Variants in IL17REL observed in about 807,000 individuals in gnomAD.
The protein encoded by IL17REL is interleukin-17 receptor E-like protein.
In IL17REL, 36 loss-of-function variants were observed where a neutral mutation model predicts 49.0. That is an observed-to-expected ratio of 0.73 (90% CI 0.56 to 0.97). IL17REL has a LOEUF of 0.97. Ranked by LOEUF, IL17REL falls within the 50% of genes least tolerant of loss-of-function variation. The pLI, the probability that IL17REL is intolerant of heterozygous loss-of-function variation, is 0.00. For synonymous variants in IL17REL, 206 were observed against 192.4 expected, an observed-to-expected ratio of 1.07 and a Z score of -0.58; for missense variants, 470 against 453.9, an observed-to-expected ratio of 1.04 and a Z score of -0.32.
intron 7 of IL17REL, among the ~76,000 whole-genome samples, 199 bp downstream of exon 9, chr22:49,999,092 T>A (rs1400918709): frequency 7.3e-6 from 1 of 137,402 alleles, no homozygotes; most frequent in East Asian, 2.1e-4. Context: ...CGCACACATG[T>A]ACATTGCACA....
exon 9 of IL17REL, chr22:49,998,068 A>T: frequency 6.3e-7 from 1 of 1,593,826 alleles, no homozygotes; most frequent in East Asian, 2.2e-5. Flanking sequence ...CGGGTACTGC[A>T]CCTGAGGAGG....
intron 1 of IL17REL, among the ~76,000 whole-genome samples, chr22:50,007,413 C>G (rs1256620688): frequency 1.3e-5 from 2 of 152,124 alleles, no homozygotes; most frequent in Non-Finnish European, 2.9e-5. Flanking sequence ...CTCCATTGCC[C>G]AGGCTGGAGT....
chr22:49,992,164 C>T (rs1233444390), downstream of IL17REL, among the ~76,000 whole-genome samples: 1 of 152,092 alleles, frequency 6.6e-6, no homozygotes, highest in Non-Finnish European at 1.5e-5. Context: ...AGAATTTTTC[C>T]ACAAATTTGT....
intron 7 of IL17REL, 143 bp from the exon 10 acceptor site, chr22:49,998,452 G>T: frequency 1.3e-6 from 1 of 752,832 alleles, no homozygotes; most frequent in Non-Finnish European, 2.1e-6. Context: ...TCAAGGCTGT[G>T]CACGTGTGTG....
chr22:49,997,325 C>T, exon 11 of IL17REL: 1 of 1,613,412 alleles, frequency 6.2e-7, no homozygotes, highest in Non-Finnish European at 8.5e-7. Context: ...CTCACTGAGG[C>T]TGAAGGGAGC....
intron 1 of IL17REL, among the ~76,000 whole-genome samples, chr22:50,004,892 A>C (rs1345317063): frequency 1.3e-5 from 2 of 151,426 alleles, no homozygotes; most frequent in Admixed American, 6.6e-5. Context: ...GAAATGAGAA[A>C]TCTGCATCTT....
chr22:50,000,773 C>G, exon 3 of IL17REL: 1 of 1,594,234 alleles, frequency 6.3e-7, no homozygotes, highest in Non-Finnish European at 8.5e-7. Flanking sequence ...CCCCTGCTGC[C>G]GGTGGGAGGC....
intron 2 of IL17REL, 101 bp downstream of exon 3, chr22:50,000,981 C>G (rs538867269): frequency 1.6e-6 from 2 of 1,260,932 alleles, no homozygotes; most frequent in Non-Finnish European, 2.2e-6. Flanking sequence ...AGCAGCCCCC[C>G]TCCCTCACCA....
rs2061051044 is a variant in IL17REL, at chr22:49,998,438, T to C, written c.602-129A>G. 2.7e-5 allele frequency: 23 copies of C among 849,952 alleles called. No individual in the cohort carries two copies. The South Asian group carries it at 3.8e-4, about 14-fold the overall frequency. 52.7% of individuals were successfully genotyped at this position (849,952 alleles called of 1,614,324 possible). A position where few individuals can be genotyped will look rare whatever the true frequency, so the allele number is the denominator to read the frequency against. On this transcript the variant is annotated intron_variant, in intron 7 of 12. Coordinates refer to ENST00000341280, the Ensembl canonical transcript of IL17REL. ...CGCAGTCCTATGGGTCTCTGAGCCCTGGCTCAAGGCTGTGCACGTGTGTGC... is the reference window on the plus strand; with the variant it reads ...CGCAGTCCTATGGGTCTCTGAGCCCCGGCTCAAGGCTGTGCACGTGTGTGC...
Position 50,000,026 on chromosome 22 carries a change from T to G in IL17REL, c.335-59A>C, listed in dbSNP as rs531789118. ...ACCAGCGGTCACCGACGCGGGGCTC[T>G]GTCTGTCCCGAGAGCCCCGACGTGG... On this transcript the variant is annotated intron_variant, in intron 4 of 12. Transcript: ENST00000341280. 5.5e-5 allele frequency: 77 copies of G among 1,410,576 alleles called. 1 individual carries two copies. In the South Asian group the frequency reaches 1.1e-3, roughly 20 times the overall value. 87.4% of individuals were successfully genotyped at this position (1,410,576 alleles called of 1,614,324 possible). A position where few individuals can be genotyped will look rare whatever the true frequency, so the allele number is the denominator to read the frequency against.
At chr22:50,006,970 A>G (rs1250550202) in intron 1 of IL17REL, among the ~76,000 whole-genome samples, 2 of 151,316 alleles carry the variant, frequency 1.3e-5, no homozygotes, top group East Asian at 3.9e-4. Flanking sequence ...AAAAAAAAAA[A>G]AGGGAGGGGA....
At chr22:50,002,016 G>A (rs771557303) in intron 1 of IL17REL, among the ~76,000 whole-genome samples, 4 of 152,228 alleles carry the variant, frequency 2.6e-5, no homozygotes, top group Non-Finnish European at 5.9e-5. Context: ...TAAGGAATGA[G>A]GGTAACTGGG....
At chr22:49,999,786 CG>C in intron 5 of IL17REL, 41 bp downstream of exon 7, 1 of 1,342,196 alleles carries the variant, frequency 7.5e-7, no homozygotes, top group Admixed American at 3.7e-5. Flanking sequence ...CGGAGGTGGG[CG>C]GGGCCTAAGG....
At chr22:50,000,536 G>A (rs764170089) in exon 4 of IL17REL, 4 of 1,613,670 alleles carry the variant, frequency 2.5e-6, no homozygotes, top group Middle Eastern at 1.7e-4. Context: ...TGGTCCTCAG[G>A]GTGACATAGA....
chr22:50,006,169 A>T (rs987309758), intron 1 of IL17REL, among the ~76,000 whole-genome samples: 11 of 152,076 alleles, frequency 7.2e-5, no homozygotes, highest in Non-Finnish European at 1.6e-4. Context: ...TGGGTTAGCC[A>T]GAGCTGGACC....
chr22:50,002,877 G>T (rs1433286479), intron 1 of IL17REL, among the ~76,000 whole-genome samples: 1 of 152,218 alleles, frequency 6.6e-6, no homozygotes, highest in Admixed American at 6.5e-5. Context: ...GAGACAGCTG[G>T]GAAACCAAGG....
intron 1 of IL17REL, among the ~76,000 whole-genome samples, chr22:50,008,308 GA>G (rs1286672658): frequency 6.6e-6 from 1 of 152,234 alleles, no homozygotes; most frequent in Non-Finnish European, 1.5e-5. Context: ...TTTACACAGG[GA>G]AAAAGCTTTG....
intron 1 of IL17REL, among the ~76,000 whole-genome samples, chr22:50,003,061 A>C (rs1267322022): frequency 6.6e-6 from 1 of 152,170 alleles, no homozygotes; most frequent in African/African-American, 2.4e-5. Flanking sequence ...ACTCCCTGAG[A>C]GGAGAAACTG....
exon 2 of IL17REL, chr22:50,001,139 C>A: frequency 1.2e-6 from 2 of 1,607,206 alleles, no homozygotes; most frequent in Admixed American, 1.7e-5. Context: ...TCAGAGGGGA[C>A]ACACTGCATG....
Sources: gnomAD v4.1 joint callset for allele counts (sites outside exome capture counted in the v4.1 genomes callset) on GRCh38, gnomAD v4.1.1 for gene constraint, MANE v1.5 for transcripts, NCBI Gene and HGNC (gene_info 2026-07-23, HGNC 2026-07-21) for gene names.